The following TRPC7 variants were observed in gnomAD, a reference collection of about 807,000 sequenced individuals.
TRPC7 encodes the protein transient receptor potential cation channel subfamily C member 7, also known as short transient receptor potential channel 7.
TRPC7 carries 42 observed loss-of-function variants against 90.1 expected under a neutral mutation model. The ratio of observed to expected loss-of-function variants is 0.47; its 90% confidence interval spans 0.36 to 0.60. TRPC7 has a LOEUF of 0.60. Among genes scored for constraint, TRPC7 ranks in the 20% least tolerant of loss-of-function variants. TRPC7 has a pLI of 0.00. For missense variants in TRPC7, 955 were observed against 1,112.3 expected (o/e 0.86, Z 2.01); for synonymous variants, 451 against 436.3 (o/e 1.03, Z -0.42).
At chr5:136,356,175 G>A (rs1008233429) in intron 2 of TRPC7, among the ~76,000 whole-genome samples, 1 of 152,222 alleles carries the variant, frequency 6.6e-6, no homozygotes, top group Non-Finnish European at 1.5e-5. Flanking sequence ...ATTCCAGGAT[G>A]AGAGAGATGT....
chr5:136,239,970 C>G (rs1184687272), intron 7 of TRPC7, among the ~76,000 whole-genome samples: 1 of 152,222 alleles, frequency 6.6e-6, no homozygotes, highest in African/African-American at 2.4e-5. Context: ...TTCCAACCCA[C>G]CCTTCATGCA....
chr5:136,356,505 G>T, intron 2 of TRPC7, 103 bp downstream of exon 2: 1 of 1,225,472 alleles, frequency 8.2e-7, no homozygotes, highest in Non-Finnish European at 1.1e-6. Flanking sequence ...AGATCCTGAA[G>T]CTTCCCTCTT....
intron 5 of TRPC7, among the ~76,000 whole-genome samples, chr5:136,253,475 T>A (rs1277934278): frequency 6.6e-6 from 1 of 152,210 alleles, no homozygotes; most frequent in East Asian, 1.9e-4. Context: ...TTGGTCTCTA[T>A]GTCATATTTT....
At chr5:136,307,017 G>C (rs895258280) in intron 3 of TRPC7, among the ~76,000 whole-genome samples, 2 of 152,278 alleles carry the variant, frequency 1.3e-5, no homozygotes, top group African/African-American at 4.8e-5. Flanking sequence ...ACACGGACAT[G>C]CATGAAAATA....
At chr5:136,338,955 G>C (rs1759755386) in intron 2 of TRPC7, among the ~76,000 whole-genome samples, 1 of 152,108 alleles carries the variant, frequency 6.6e-6, no homozygotes, top group Admixed American at 6.5e-5. Context: ...TGTAGATTTT[G>C]ACTTCTGTTG....
intron 2 of TRPC7, among the ~76,000 whole-genome samples, chr5:136,345,739 A>G (rs1260219558): frequency 6.6e-6 from 1 of 152,122 alleles, no homozygotes; most frequent in Non-Finnish European, 1.5e-5. Flanking sequence ...TTTTGTTGCC[A>G]TTGCTTTTGG....
chr5:136,259,588 C>T (rs567211979), intron 5 of TRPC7, among the ~76,000 whole-genome samples: 1 of 152,358 alleles, frequency 6.6e-6, no homozygotes, highest in Admixed American at 6.5e-5. Context: ...CATTATTACA[C>T]AGTTCTCAGA....
At chr5:136,299,774 G>A (rs1485367812) in intron 3 of TRPC7, among the ~76,000 whole-genome samples, 2 of 152,132 alleles carry the variant, frequency 1.3e-5, no homozygotes, top group Non-Finnish European at 1.5e-5. Flanking sequence ...GTTTGACTTT[G>A]GGATAAAAGT....
chr5:136,222,212 A>G (rs144147891), intron 10 of TRPC7: 1 of 152,320 alleles, frequency 6.6e-6, no homozygotes, highest in African/African-American at 2.4e-5. Flanking sequence ...CCCTTACAAC[A>G]AAGACCTCAC....
chr5:136,350,768 A>G (rs750106068), intron 2 of TRPC7, among the ~76,000 whole-genome samples: 1 of 152,134 alleles, frequency 6.6e-6, no homozygotes, highest in Non-Finnish European at 1.5e-5. Flanking sequence ...GTGTATGCTT[A>G]TTGAGTGGCA....
intron 4 of TRPC7, among the ~76,000 whole-genome samples, chr5:136,272,529 G>A (rs1241037984): frequency 6.6e-6 from 1 of 152,284 alleles, no homozygotes; most frequent in Non-Finnish European, 1.5e-5. Context: ...GTAATGAGCA[G>A]TGCCACCAAG....
Position 136,225,366 on chromosome 5 carries a change from A to G in TRPC7, c.2263-12T>C. On this transcript the variant is annotated splice_polypyrimidine_tract_variant and intron_variant, in intron 9 of 11. Coordinates refer to ENST00000513104, the MANE Select transcript of TRPC7 (RefSeq NM_020389.3). ...TGGTAGCGAGTCTTCTGGATAAAAC[A>G]AACAAACCCACACACATCACACAGA... The G allele has an allele frequency of 6.2e-7, 1 of 1,611,296 alleles. No individual in the cohort carries two copies. Among genetic ancestry groups the G allele is most frequent in the Admixed American group, 1.7e-5 (1 of 59,676 alleles).
At chr5:136,353,363 G>A (rs561535055) in intron 2 of TRPC7, among the ~76,000 whole-genome samples, 145 of 152,270 alleles carry the variant, frequency 9.5e-4, no homozygotes, top group African/African-American at 3.4e-3. Context: ...TTCCCTGAAT[G>A]AGTATTTTAG....
intron 3 of TRPC7, among the ~76,000 whole-genome samples, chr5:136,278,763 A>G (rs2149817091): frequency 6.6e-6 from 1 of 152,084 alleles, no homozygotes. Context: ...TAGGCACACC[A>G]CCCCACTCAC....
At chr5:136,327,897 T>G (rs1759390627) in intron 2 of TRPC7, among the ~76,000 whole-genome samples, 1 of 152,172 alleles carries the variant, frequency 6.6e-6, no homozygotes, top group Non-Finnish European at 1.5e-5. Context: ...TTAACACACA[T>G]GGCTGAATTT....
intron 3 of TRPC7, among the ~76,000 whole-genome samples, chr5:136,282,234 C>T (rs1360194013): frequency 1.3e-5 from 2 of 152,118 alleles, no homozygotes; most frequent in Non-Finnish European, 2.9e-5. Context: ...GGTGGTCATA[C>T]ATTTTTCAAA....
chr5:136,341,472 T>TACAC (rs1490773950), intron 2 of TRPC7, among the ~76,000 whole-genome samples: 1 of 89,144 alleles, frequency 1.1e-5, no homozygotes, highest in African/African-American at 4.2e-5. Context: ...TATACATATA[T>TACAC]ATACACACAC....
In TRPC7 at chr5:136,365,381, G is replaced by A; in HGVS notation, c.-127C>T. The A allele has an allele frequency of 1.0e-6, 1 of 991,834 alleles. No homozygotes were observed. The highest frequency in any genetic ancestry group is 1.5e-6 in the Non-Finnish European group (1 of 655,274). 61.4% of individuals were successfully genotyped at this position (991,834 alleles called of 1,614,324 possible). A position where few individuals can be genotyped will look rare whatever the true frequency, so the allele number is the denominator to read the frequency against. On this transcript the variant is annotated 5_prime_UTR_variant, in exon 1 of 12. Coordinates refer to ENST00000513104, the MANE Select transcript of TRPC7 (RefSeq NM_020389.3). ...GCTCTCCGTGGTGCTGAAGTATAGAGCTGGTCAAGTGAGTTAAGTTGCAAC... is the reference window on the plus strand; with the variant it reads ...GCTCTCCGTGGTGCTGAAGTATAGAACTGGTCAAGTGAGTTAAGTTGCAAC...
chr5:136,353,858 T>G (rs1760276953), intron 2 of TRPC7, among the ~76,000 whole-genome samples: 1 of 152,234 alleles, frequency 6.6e-6, no homozygotes, highest in African/African-American at 2.4e-5. Flanking sequence ...TTTTCATATT[T>G]ACTTTTAAAA....
Sources: gnomAD v4.1 joint callset for allele counts (sites outside exome capture counted in the v4.1 genomes callset) on GRCh38, gnomAD v4.1.1 for gene constraint, MANE v1.5 for transcripts, NCBI Gene and HGNC (gene_info 2026-07-23, HGNC 2026-07-21) for gene names.